DGAT2: variants seen among roughly 807,000 people sequenced by gnomAD.
DGAT2 encodes the protein acyl-CoA retinol O-fatty-acyltransferase.
A neutral mutation model predicts 48.4 loss-of-function variants in DGAT2; 33 were observed. The ratio of observed to expected loss-of-function variants is 0.68; its 90% CI spans 0.52 to 0.91. DGAT2 has a LOEUF of 0.91. Among genes scored for constraint, DGAT2 ranks in the 40% least tolerant of loss-of-function variants. The probability of loss-of-function intolerance (pLI) is 0.00; values close to 1 mark genes in which losing one functional copy is unlikely to be tolerated. For synonymous variants in DGAT2, 191 were observed against 194.1 expected, an observed-to-expected ratio of 0.98 and a Z score of 0.13; for missense variants, 446 against 493.7, an observed-to-expected ratio of 0.90 and a Z score of 0.92.
intron 4 of DGAT2, 90 bp from the exon 5 acceptor site, chr11:75,796,238 A>G: frequency 4.5e-6 from 5 of 1,123,114 alleles, no homozygotes; most frequent in Non-Finnish European, 5.3e-6. Context: ...GTCCAGGGGA[A>G]ATGACACATC....
rs1426351890 is a variant in DGAT2, at chr11:75,768,791, C to T, written c.-201C>T. 10 of 537,716 alleles carry T rather than the reference C, an allele frequency of 1.9e-5. No individual in the cohort carries two copies. The highest frequency in any genetic ancestry group is 4.4e-5 in the Admixed American group (1 of 22,556). The allele number at this position is 537,716 out of a possible 1,614,324, so 33.3% of individuals were successfully genotyped here. ...CGGGACGCCAGCGCCGCGGCTGCCG[C>T]CTCTGCTGGGGTCTAGGCTGTTTCT... On this transcript the variant is annotated 5_prime_UTR_variant, in exon 1 of 8. Transcript: ENST00000228027.
At chr11:75,783,130 T>C (rs1404444427) in intron 1 of DGAT2, among the ~76,000 whole-genome samples, 3 of 152,228 alleles carry the variant, frequency 2.0e-5, no homozygotes, top group Non-Finnish European at 2.9e-5. Context: ...ACCCCAGTTA[T>C]GCCAGTGGTG....
intron 1 of DGAT2, among the ~76,000 whole-genome samples, chr11:75,781,798 G>T (rs1171072608): frequency 6.6e-6 from 1 of 152,218 alleles, no homozygotes; most frequent in African/African-American, 2.4e-5. Flanking sequence ...GACTCCCGCA[G>T]GCCCTCAATT....
At chr11:75,798,452 A>G (rs373243738) in intron 7 of DGAT2, 23 bp downstream of exon 7, 8 of 1,609,718 alleles carry the variant, frequency 5.0e-6, no homozygotes, top group Non-Finnish European at 6.8e-6. Context: ...CCTGCAGACC[A>G]AGGGCTGTCC....
intron 2 of DGAT2, among the ~76,000 whole-genome samples, chr11:75,789,245 C>T (rs1944957229): frequency 1.3e-5 from 2 of 152,044 alleles, no homozygotes; most frequent in Admixed American, 1.3e-4. Context: ...AAACTCCTGG[C>T]TTAAGGAGTC....
chr11:75,774,357 A>G (rs1389998074), intron 1 of DGAT2, among the ~76,000 whole-genome samples: 2 of 152,250 alleles, frequency 1.3e-5, no homozygotes, highest in Non-Finnish European at 2.9e-5. Flanking sequence ...CAAAAGTGTC[A>G]TAAGAACCTG....
At chr11:75,781,023 G>A (rs1157685330) in intron 1 of DGAT2, among the ~76,000 whole-genome samples, 1 of 152,216 alleles carries the variant, frequency 6.6e-6, no homozygotes, top group East Asian at 1.9e-4. Context: ...CCTGGCCTTC[G>A]GGCAGCTTCC....
At chr11:75,792,020 C>A (rs1314341582) in intron 4 of DGAT2, 1 of 152,312 alleles carries the variant, frequency 6.6e-6, no homozygotes, top group Admixed American at 6.5e-5. Flanking sequence ...TCTGCTTTCT[C>A]TCTCACCTCA....
chr11:75,780,224 G>A (rs905062292), intron 1 of DGAT2, among the ~76,000 whole-genome samples: 6 of 152,148 alleles, frequency 3.9e-5, no homozygotes, highest in African/African-American at 1.2e-4. Context: ...TTGCAGCATC[G>A]GCATCCCCAC....
At position 75,777,407 on chromosome 11, in the gene DGAT2, G is replaced by A. The variant is rs192475777; in HGVS notation, c.122-7211G>A. On this transcript the variant is annotated intron_variant, in intron 1 of 7. Coordinates refer to ENST00000228027, the MANE Select transcript of DGAT2 (RefSeq NM_032564.5). ...TCGCCTACGCCTCTGTTCCTAGGCAGGGCAGGCATTATTTTACCCATCAAA... is the reference window on the plus strand; with the variant it reads ...TCGCCTACGCCTCTGTTCCTAGGCAAGGCAGGCATTATTTTACCCATCAAA... Among the ~76,000 whole-genome samples, 418 of 152,316 alleles carry A rather than the reference G, an allele frequency of 2.7e-3. 1 individual carries two copies. The highest frequency in any genetic ancestry group is 5.1e-3 in the Non-Finnish European group (349 of 68,024).
At chr11:75,774,261 A>C (rs771768268) in intron 1 of DGAT2, among the ~76,000 whole-genome samples, 5 of 152,214 alleles carry the variant, frequency 3.3e-5, no homozygotes, top group Non-Finnish European at 7.4e-5. Flanking sequence ...GGCTCTGTCC[A>C]GCTCCTGCTT....
chr11:75,772,413 G>A (rs766286820), intron 1 of DGAT2, among the ~76,000 whole-genome samples: 1 of 152,112 alleles, frequency 6.6e-6, no homozygotes, highest in Non-Finnish European at 1.5e-5. Context: ...TGCTGCAGAC[G>A]CATGGTGGTC....
chr11:75,776,145 T>G (rs1374165340), intron 1 of DGAT2: 2 of 152,172 alleles, frequency 1.3e-5, no homozygotes, highest in Non-Finnish European at 2.9e-5. Context: ...CCCTCCTGAT[T>G]CCCCAGAAAG....
intron 1 of DGAT2, among the ~76,000 whole-genome samples, chr11:75,783,645 G>A (rs1244573310): frequency 6.6e-6 from 1 of 152,152 alleles, no homozygotes; most frequent in Non-Finnish European, 1.5e-5. Context: ...GGCATGTAGT[G>A]GGGGTTCAGC....
At chr11:75,773,447 T>C (rs1944776638) in intron 1 of DGAT2, among the ~76,000 whole-genome samples, 1 of 152,190 alleles carries the variant, frequency 6.6e-6, no homozygotes, top group South Asian at 2.1e-4. Flanking sequence ...CTTCACTTCC[T>C]CTCTGGGGAT....
At chr11:75,789,318 T>C (rs1944957897) in intron 2 of DGAT2, among the ~76,000 whole-genome samples, 1 of 152,130 alleles carries the variant, frequency 6.6e-6, no homozygotes, top group African/African-American at 2.4e-5. Context: ...CCAGCTAATT[T>C]TTTAAATTTT....
chr11:75,785,698 G>A (rs187439022), intron 2 of DGAT2, among the ~76,000 whole-genome samples: 1 of 152,328 alleles, frequency 6.6e-6, no homozygotes, highest in Admixed American at 6.5e-5. Flanking sequence ...GTCCCTCTGG[G>A]CAACCCACTC....
At chr11:75,785,918 T>C (rs975649858) in intron 2 of DGAT2, among the ~76,000 whole-genome samples, 2 of 152,178 alleles carry the variant, frequency 1.3e-5, no homozygotes, top group African/African-American at 2.4e-5. Flanking sequence ...AGAGTTGGGA[T>C]TTTAGCAGAA....
chr11:75,780,167 G>A (rs1944845809), intron 1 of DGAT2, among the ~76,000 whole-genome samples: 1 of 152,194 alleles, frequency 6.6e-6, no homozygotes, highest in Non-Finnish European at 1.5e-5. Flanking sequence ...CAGGAGTCAG[G>A]AACAGTCAGA....
Sources: gnomAD v4.1 joint callset for allele counts (sites outside exome capture counted in the v4.1 genomes callset) on GRCh38, gnomAD v4.1.1 for gene constraint, MANE v1.5 for transcripts, NCBI Gene and HGNC (gene_info 2026-07-23, HGNC 2026-07-21) for gene names.